TESMIN: variants seen among roughly 807,000 people sequenced by gnomAD.
TESMIN encodes CXC domain containing 2.
In TESMIN, 34 loss-of-function variants were observed where a neutral mutation model predicts 47.4. The ratio of observed to expected loss-of-function variants is 0.72; its 90% CI spans 0.55 to 0.96. The LOEUF (loss-of-function observed/expected upper bound fraction) is 0.96. Among genes scored for constraint, TESMIN ranks in the 40% least tolerant of loss-of-function variants. The pLI is 0.00. For missense variants in TESMIN, 610 were observed against 637.2 expected, an observed-to-expected ratio of 0.96 and a Z score of 0.46; for synonymous variants, 278 against 258.9, an observed-to-expected ratio of 1.07 and a Z score of -0.71.
At chr11:68,746,722 C>G (rs759646095) in intron 3 of TESMIN, among the ~76,000 whole-genome samples, 6 of 152,134 alleles carry the variant, frequency 3.9e-5, no homozygotes, top group Non-Finnish European at 5.9e-5. Flanking sequence ...AAAAAGAATG[C>G]CTATCCTACA....
chr11:68,704,864 A>AAAAAAAAAAAAGATAT (rs1945984359), downstream of TESMIN, among the ~76,000 whole-genome samples: 1 of 152,248 alleles, frequency 6.6e-6, no homozygotes, highest in South Asian at 2.1e-4. Context: ...TACCATTTTT[A>AAAAAAAAAAAAGATAT]GGAGGCTCAA....
chr11:68,736,158 G>A, intron 6 of TESMIN: 1 of 985,006 alleles, frequency 1.0e-6, no homozygotes, highest in Non-Finnish European at 1.2e-6. Context: ...TTATTATGAT[G>A]TTCATTATGT....
intron 6 of TESMIN, among the ~76,000 whole-genome samples, chr11:68,720,044 A>C (rs1160558768): frequency 6.6e-6 from 1 of 152,230 alleles, no homozygotes; most frequent in Non-Finnish European, 1.5e-5. Flanking sequence ...CTAGAGTAGA[A>C]AGATACATTA....
chr11:68,715,328 A>T (rs1412473417), intron 7 of TESMIN, among the ~76,000 whole-genome samples: 1 of 152,228 alleles, frequency 6.6e-6, no homozygotes, highest in South Asian at 2.1e-4. Context: ...CGGGGGCATC[A>T]AAGTAACCTT....
In TESMIN at chr11:68,708,496, G is replaced by C. The variant is rs1379039169; in HGVS notation, c.1339C>G (p.Pro447Ala). Reference protein sequence around the residue: ...GLPRFSHDRRPSSCISWEVVE... With the variant: ...GLPRFSHDRRASSCISWEVVE... Reference sequence around the variant, plus strand: ...ACCTCCCAGGAGATGCATGAGGAAGGCCGCCTGTCAGAAACAGAGCAGTTA... The same window carrying C: ...ACCTCCCAGGAGATGCATGAGGAAGCCCGCCTGTCAGAAACAGAGCAGTTA... The change falls in exon 10 of 10, where the codon CCT (proline) becomes GCT (alanine). Residue 447 changes from proline (P) to alanine (A), a missense_variant. By Grantham distance (27) the Pro-to-Ala change is conservative (BLOSUM62 -1). Coordinates refer to ENST00000255087, the MANE Select transcript of TESMIN (RefSeq NM_004923.3). The C allele has an allele frequency of 3.1e-6, 5 of 1,605,706 alleles. No individual in the cohort carries two copies. In the Admixed American group the frequency reaches 8.5e-5, roughly 27 times the overall value.
At chr11:68,749,203 A>G (rs1435115623) in intron 2 of TESMIN, among the ~76,000 whole-genome samples, 1 of 152,214 alleles carries the variant, frequency 6.6e-6, no homozygotes, top group East Asian at 1.9e-4. Context: ...GGAACTGGTG[A>G]GCTCTATGGC....
intron 8 of TESMIN, 109 bp downstream of exon 8, chr11:68,713,161 A>T: frequency 8.7e-7 from 1 of 1,151,974 alleles, no homozygotes; most frequent in Non-Finnish European, 1.2e-6. Context: ...GAAGAAAAAA[A>T]TAATTATATT....
intron 9 of TESMIN, among the ~76,000 whole-genome samples, chr11:68,709,097 G>GAAAGAA: frequency 6.6e-6 from 1 of 151,494 alleles, no homozygotes; most frequent in East Asian, 1.9e-4. Context: ...AGAAAAGAAA[G>GAAAGAA]AAAGGATTAA....
chr11:68,724,612 G>A (rs969111161), intron 6 of TESMIN, among the ~76,000 whole-genome samples: 6 of 152,226 alleles, frequency 3.9e-5, no homozygotes, highest in African/African-American at 1.4e-4. Flanking sequence ...GAAAGGTTAA[G>A]GAGTGTGCAC....
At chr11:68,737,790 G>T (rs1396103414) in intron 6 of TESMIN, 5 of 764,316 alleles carry the variant, frequency 6.5e-6, no homozygotes, top group Non-Finnish European at 8.0e-6. Context: ...GTATGCGCCT[G>T]TGGTCCCAGC....
At chr11:68,721,997 G>A (rs1946209190) in intron 6 of TESMIN, among the ~76,000 whole-genome samples, 1 of 152,182 alleles carries the variant, frequency 6.6e-6, no homozygotes, top group African/African-American at 2.4e-5. Context: ...AGTGAAAGCA[G>A]GGACTCAACC....
chr11:68,727,653 T>G (rs1387218120), intron 6 of TESMIN, among the ~76,000 whole-genome samples: 2 of 152,228 alleles, frequency 1.3e-5, no homozygotes, highest in Non-Finnish European at 2.9e-5. Context: ...CTATTGGGCT[T>G]CACAGGTAAT....
chr11:68,737,327 G>C, intron 6 of TESMIN: 1 of 985,522 alleles, frequency 1.0e-6, no homozygotes, highest in Non-Finnish European at 1.2e-6. Flanking sequence ...AATTACAACA[G>C]CTGAAAGAGC....
intron 6 of TESMIN, among the ~76,000 whole-genome samples, chr11:68,720,372 T>C (rs1946190938): frequency 6.6e-6 from 1 of 152,194 alleles, no homozygotes; most frequent in Non-Finnish European, 1.5e-5. Flanking sequence ...GCTGTCCACA[T>C]GTGCTCTTAT....
chr11:68,748,382 T>C (rs913477484), intron 2 of TESMIN, among the ~76,000 whole-genome samples: 2 of 152,192 alleles, frequency 1.3e-5, no homozygotes, highest in Non-Finnish European at 2.9e-5. Context: ...AAATTTTAAA[T>C]TTCATATAAA....
At chr11:68,726,111 C>T (rs746682298) in intron 6 of TESMIN, among the ~76,000 whole-genome samples, 7 of 152,052 alleles carry the variant, frequency 4.6e-5, no homozygotes, top group African/African-American at 7.3e-5. Flanking sequence ...AGGTGCTTTA[C>T]GTATATTAAC....
chr11:68,706,718 C>T (rs544829472), downstream of TESMIN, among the ~76,000 whole-genome samples: 36 of 152,270 alleles, frequency 2.4e-4, no homozygotes, highest in Admixed American at 7.2e-4. Flanking sequence ...CACATTGAAA[C>T]GATAGTATTT....
chr11:68,747,133 T>A (rs1946530845), intron 3 of TESMIN, 75 bp downstream of exon 3: 1 of 1,486,828 alleles, frequency 6.7e-7, no homozygotes, highest in Admixed American at 1.7e-5. Flanking sequence ...AGTGAAATGA[T>A]CAGTCGACTT....
chr11:68,707,809 A>C lies in TESMIN; in HGVS notation c.*499T>G. ...ATCTTTAGGTGTTCAGTAGTTCTCT[A>C]GAGATTTTAAGTGGTATCACAACAG... On this transcript the variant is annotated 3_prime_UTR_variant, in exon 10 of 10. Coordinates refer to ENST00000255087, the MANE Select transcript of TESMIN (RefSeq NM_004923.3). 2.2e-6 allele frequency: 1 copy of C among 456,010 alleles called. No homozygotes were observed. The highest frequency in any genetic ancestry group is 4.4e-6 in the Non-Finnish European group (1 of 226,738). 28.2% of individuals were successfully genotyped at this position (456,010 alleles called of 1,614,324 possible).
Sources: gnomAD v4.1 joint callset for allele counts (sites outside exome capture counted in the v4.1 genomes callset) on GRCh38, gnomAD v4.1.1 for gene constraint, MANE v1.5 for transcripts, NCBI Gene and HGNC (gene_info 2026-07-23, HGNC 2026-07-21) for gene names.